Variants in BTBD7 observed in about 807,000 individuals in gnomAD.
The protein encoded by BTBD7 is BTB/POZ domain-containing protein 7.
A neutral mutation model predicts 99.9 loss-of-function variants in BTBD7; 38 were observed. That is an observed-to-expected ratio of 0.38 (90% confidence interval 0.29 to 0.50). BTBD7 has a LOEUF of 0.50. BTBD7 is among the 20% of genes least tolerant of loss of function. BTBD7 has a pLI of 0.93. For synonymous variants in BTBD7, 520 were observed against 511.4 expected, an observed-to-expected ratio of 1.02 and a Z score of -0.23; for missense variants, 1,170 against 1,394.6, an observed-to-expected ratio of 0.84 and a Z score of 2.57.
At position 93,257,328 on chromosome 14, in the gene BTBD7, T is replaced by A; in HGVS notation, c.1475A>T (p.His492Leu). 1 of 1,611,234 alleles carries A rather than the reference T, an allele frequency of 6.2e-7. No individual in the cohort carries two copies. The highest frequency in any genetic ancestry group is 8.5e-7 in the Non-Finnish European group (1 of 1,179,148). ...TTTTACACCTCTTTTGTTCACACTA[T>A]GGGCAGTGCCACTCAGTAAGTTTGG... Reference protein sequence around the residue: ...REPNLLSGTAHSVNKRGVKRR... With the variant: ...REPNLLSGTALSVNKRGVKRR... Residue 492 changes from histidine (H) to leucine (L), a missense_variant, in exon 6 of 11, where the codon CAT becomes CTT. His to Leu is a moderately conservative substitution (Grantham distance 99, BLOSUM62 -3). Coordinates refer to ENST00000334746, the MANE Select transcript of BTBD7 (RefSeq NM_001002860.4).
chr14:93,308,085 G>C (rs2053091680), intron 1 of BTBD7, among the ~76,000 whole-genome samples: 1 of 152,014 alleles, frequency 6.6e-6, no homozygotes. Context: ...ATGAGGTCAG[G>C]AGATCGAGAC....
intron 1 of BTBD7, among the ~76,000 whole-genome samples, chr14:93,326,238 TG>T (rs1357419906): frequency 6.6e-6 from 1 of 151,838 alleles, no homozygotes; most frequent in Non-Finnish European, 1.5e-5. Context: ...AGGCCAAGGT[TG>T]GAGGACTGCT....
At chr14:93,279,045 TCTA>T (rs1169462895) in intron 3 of BTBD7, among the ~76,000 whole-genome samples, 21 of 152,372 alleles carry the variant, frequency 1.4e-4, no homozygotes, top group Non-Finnish European at 2.9e-4. Context: ...ACAGATTTCA[TCTA>T]CTTACAGCAG....
At chr14:93,332,753 G>A (rs2053463599) in intron 1 of BTBD7, 67 bp downstream of exon 1, 6 of 1,433,586 alleles carry the variant, frequency 4.2e-6, no homozygotes, top group African/African-American at 1.5e-5. Context: ...TTCCTCTCCC[G>A]GACGCCCCGC....
At chr14:93,271,545 T>C (rs2139721920) in intron 3 of BTBD7, among the ~76,000 whole-genome samples, 1 of 152,212 alleles carries the variant, frequency 6.6e-6, no homozygotes, top group Non-Finnish European at 1.5e-5. Context: ...GAGAGAAAAG[T>C]TGCTTCAATT....
chr14:93,261,044 C>T (rs544866973), intron 5 of BTBD7, among the ~76,000 whole-genome samples: 50 of 152,132 alleles, frequency 3.3e-4, no homozygotes, highest in African/African-American at 9.9e-4. Context: ...GCGCGTGCCA[C>T]GACTTCCCAC....
rs986145404 is a variant in BTBD7 at position 93,332,971 on chromosome 14, A to G, written c.-258T>C. ...CGCCGCCGCCCTCTCCTCTCCTGTC[A>G]GTGGCTCAGGCTCCGGGACTGCTCC... On this transcript the variant is annotated 5_prime_UTR_variant, in exon 1 of 11. Coordinates refer to ENST00000334746, the MANE Select transcript of BTBD7 (RefSeq NM_001002860.4). The G allele has an allele frequency of 1.6e-6, 1 of 638,008 alleles. No individual in the cohort carries two copies. 39.5% of individuals were successfully genotyped at this position (638,008 alleles called of 1,614,324 possible). A position where few individuals can be genotyped will look rare whatever the true frequency, so the allele number is the denominator to read the frequency against.
chr14:93,305,807 G>A (rs2053063287), intron 1 of BTBD7, among the ~76,000 whole-genome samples: 1 of 152,174 alleles, frequency 6.6e-6, no homozygotes, highest in African/African-American at 2.4e-5. Flanking sequence ...TCTGGAGGGT[G>A]GGAGGTCCAA....
rs1408567249 is a variant in BTBD7, at chr14:93,239,511, A to T, written c.*2762T>A. ...TTCACATTTATCTTAGTACAGCATT[A>T]AAAAAGATTTAATAGATGGGTTCAA... is the stretch of plus-strand genomic sequence containing the variant. On this transcript the variant is annotated 3_prime_UTR_variant, in exon 11 of 11. Coordinates refer to ENST00000334746, the MANE Select transcript of BTBD7 (RefSeq NM_001002860.4). 6.6e-6 allele frequency: 1 copy of T among 151,290 alleles called. No homozygotes were observed. The highest frequency in any genetic ancestry group is 2.5e-5 in the African/African-American group (1 of 40,430). The allele number at this position is 151,290 out of a possible 1,614,324, so 9.4% of individuals were successfully genotyped here.
intron 1 of BTBD7, among the ~76,000 whole-genome samples, chr14:93,314,518 C>T (rs2053176791): frequency 6.6e-6 from 1 of 152,082 alleles, no homozygotes; most frequent in African/African-American, 2.4e-5. Context: ...TAAAAAAATT[C>T]CTACATAGAA....
intron 7 of BTBD7, among the ~76,000 whole-genome samples, chr14:93,253,376 T>C (rs1009105244): frequency 6.6e-6 from 1 of 152,172 alleles, no homozygotes; most frequent in Admixed American, 6.5e-5. Flanking sequence ...GTGGTAACAA[T>C]TTGCAAGGCA....
At chr14:93,270,695 CAAA>C (rs34308418) in intron 3 of BTBD7, among the ~76,000 whole-genome samples, 11 of 71,190 alleles carry the variant, frequency 1.5e-4, no homozygotes, top group Non-Finnish European at 1.5e-4. Context: ...ACTCTTGTCT[CAAA>C]AAAAAAAAAA....
At chr14:93,328,611 T>TAA (rs57161505) in intron 1 of BTBD7, among the ~76,000 whole-genome samples, 219 of 101,784 alleles carry the variant, frequency 2.2e-3, no homozygotes, top group South Asian at 3.4e-3. Flanking sequence ...TAAAATTCTT[T>TAA]AAAAAAAAAA....
intron 5 of BTBD7, among the ~76,000 whole-genome samples, chr14:93,257,932 TC>T (rs1275041347): frequency 6.7e-6 from 1 of 148,372 alleles, no homozygotes; most frequent in East Asian, 1.9e-4. Context: ...GACCCTTTGA[TC>T]TTTGACATGT....
intron 6 of BTBD7, 91 bp downstream of exon 6, chr14:93,257,104 C>T (rs974418465): frequency 1.6e-5 from 21 of 1,298,112 alleles, no homozygotes; most frequent in Non-Finnish European, 2.3e-5. Context: ...TCACAATACT[C>T]TATTAGTAGC....
intron 1 of BTBD7, among the ~76,000 whole-genome samples, chr14:93,330,668 A>G (rs891907347): frequency 2.0e-5 from 3 of 152,216 alleles, no homozygotes; most frequent in African/African-American, 7.2e-5. Context: ...CCTTTCTTCC[A>G]CATCATTCAT....
intron 1 of BTBD7, among the ~76,000 whole-genome samples, chr14:93,327,650 T>TA (rs1354790828): frequency 2.6e-5 from 4 of 152,220 alleles, no homozygotes; most frequent in East Asian, 1.9e-4. Context: ...AGGTCTTATA[T>TA]AAAAAACTCA....
intron 1 of BTBD7, 66 bp from the exon 2 acceptor site, chr14:93,296,223 A>T (rs2052925242): frequency 3.4e-6 from 4 of 1,188,624 alleles, no homozygotes; most frequent in South Asian, 3.2e-5. Context: ...AGTTTTTTTT[A>T]AAAAGCTACT....
chr14:93,261,487 A>AC, intron 5 of BTBD7, 115 bp downstream of exon 5: 3 of 834,380 alleles, frequency 3.6e-6, no homozygotes, highest in Non-Finnish European at 6.0e-6. Context: ...AAAAACTTCC[A>AC]TTTTCACCAG....
Sources: gnomAD v4.1 joint callset for allele counts (sites outside exome capture counted in the v4.1 genomes callset) on GRCh38, gnomAD v4.1.1 for gene constraint, MANE v1.5 for transcripts, NCBI Gene and HGNC (gene_info 2026-07-23, HGNC 2026-07-21) for gene names.